The following IFNG-AS1 variants were observed in gnomAD, a reference collection of about 807,000 sequenced individuals.
IFNG-AS1 encodes the protein IFNG regulatory antisense RNA 1.
At chr12:68,018,934 T>A (rs1173261616) in intron 3 of IFNG-AS1, among the ~76,000 whole-genome samples, 1 of 152,112 alleles carries the variant, frequency 6.6e-6, no homozygotes, top group African/African-American at 2.4e-5. Context: ...CCGTGGTTTT[T>A]ACCACGCCTT....
At chr12:68,015,721 AACAAAT>A (rs1341168601) in intron 3 of IFNG-AS1, among the ~76,000 whole-genome samples, 1 of 152,222 alleles carries the variant, frequency 6.6e-6, no homozygotes, top group African/African-American at 2.4e-5. Context: ...GACCAAAGTC[AACAAAT>A]AAAGGGGGAA....
In IFNG-AS1 at chr12:68,009,258, T is replaced by C. The variant is rs368706980; in HGVS notation, n.241+3112T>C. Among the ~76,000 whole-genome samples, 54 of 152,374 alleles carry C rather than the reference T, an allele frequency of 3.5e-4. 1 individual carries two copies. The highest frequency in any genetic ancestry group is 1.3e-3 in the African/African-American group (52 of 41,586). On this transcript the variant is annotated intron_variant and non_coding_transcript_variant, in intron 3 of 5. Coordinates refer to ENST00000536914, the Ensembl canonical transcript of IFNG-AS1. ...TTGTCTAGGAATCAAGGTGTTCTGC[T>C]ATTTGAGATAAGAACTCAGATGCAT...
intron 4 of IFNG-AS1, chr12:68,021,208 C>A (rs188057865): frequency 3.4e-4 from 52 of 152,224 alleles, no homozygotes; most frequent in African/African-American, 1.1e-3. Context: ...AATTTAACTA[C>A]AAGCATTTAA....
chr12:68,012,187 G>T (rs1880047418), intron 3 of IFNG-AS1, among the ~76,000 whole-genome samples: 1 of 151,922 alleles, frequency 6.6e-6, no homozygotes, highest in African/African-American at 2.4e-5. Flanking sequence ...CCTTTTAATT[G>T]GTTTTACTCT....
At position 68,006,736 on chromosome 12, in the gene IFNG-AS1, G is replaced by A. The variant is rs565804885; in HGVS notation, n.241+590G>A. 3.3e-5 allele frequency among the ~76,000 whole-genome samples: 5 copies of A among 152,298 alleles called. No homozygotes were observed. In the East Asian group the frequency reaches 9.6e-4, roughly 29 times the overall value. On this transcript the variant is annotated intron_variant and non_coding_transcript_variant, in intron 3 of 5. Coordinates refer to ENST00000536914, the Ensembl canonical transcript of IFNG-AS1. ...TGAGTCAGAAAGAGATTCTCCTGCT[G>A]GCACTGAAAGAACAGGCTGCCATTG... is the stretch of plus-strand genomic sequence containing the variant.
chr12:67,998,930 A>G (rs901673327), intron 2 of IFNG-AS1, among the ~76,000 whole-genome samples: 3 of 152,186 alleles, frequency 2.0e-5, no homozygotes, highest in Admixed American at 1.3e-4. Flanking sequence ...AACCCAGTTA[A>G]TGTTTATTTT....
intron 3 of IFNG-AS1, among the ~76,000 whole-genome samples, chr12:68,007,616 C>G (rs1339459172): frequency 6.6e-6 from 1 of 152,218 alleles, no homozygotes; most frequent in East Asian, 1.9e-4. Context: ...ATATCAGTCA[C>G]AGTTTCAAAG....
Position 67,995,489 on chromosome 12 carries a change from G to A in IFNG-AS1, n.52-452G>A, listed in dbSNP as rs145541207. ...TGTAATCTTAGAACTTTGGGAGGCC[G>A]AGGCGGGCAGATTACGAGGTCAGGA... is the stretch of plus-strand genomic sequence containing the variant. On this transcript the variant is annotated intron_variant and non_coding_transcript_variant, in intron 1 of 5. Transcript: ENST00000536914. Among the ~76,000 whole-genome samples the A allele has an allele frequency of 8.0e-3, 1,162 of 146,060 alleles. 10 individuals are homozygous for A. The highest frequency in any genetic ancestry group is 0.014 in the Non-Finnish European group (929 of 66,924).
intron 1 of IFNG-AS1, among the ~76,000 whole-genome samples, chr12:67,995,722 CAAAAAAA>C (rs34179056): frequency 3.9e-5 from 3 of 77,348 alleles, no homozygotes; most frequent in South Asian, 8.6e-4. Context: ...ACTCGGTCTC[CAAAAAAA>C]AAAAAAAAGA....
intron 3 of IFNG-AS1, among the ~76,000 whole-genome samples, chr12:68,019,462 C>G (rs536310788): frequency 1.2e-4 from 19 of 152,196 alleles, no homozygotes; most frequent in Non-Finnish European, 2.5e-4. Flanking sequence ...TGCTAATATA[C>G]ACTGTGCTTC....
chr12:68,014,249 G>A (rs1880096612), intron 3 of IFNG-AS1, among the ~76,000 whole-genome samples: 1 of 152,174 alleles, frequency 6.6e-6, no homozygotes. Context: ...TGCTATAAAC[G>A]TGTGTGCAAG....
At position 67,989,758 on chromosome 12, in the gene IFNG-AS1, G is replaced by A. The variant is rs11176997; in HGVS notation, n.51+179G>A. 4.8e-3 allele frequency among the ~76,000 whole-genome samples: 724 copies of A among 152,270 alleles called. 3 individuals carry two copies. Among genetic ancestry groups the A allele is most frequent in the Non-Finnish European group, 6.8e-3 (462 of 68,020 alleles). ...AGAAGGAGGAAGGCTGGGGTGGAGA[G>A]GAGGAAGGAGACCCGCATGGCTGGA... On this transcript the variant is annotated intron_variant and non_coding_transcript_variant, in intron 1 of 5. Transcript: ENST00000536914.
chr12:68,005,345 C>T (rs1184125919), intron 2 of IFNG-AS1, among the ~76,000 whole-genome samples: 1 of 152,188 alleles, frequency 6.6e-6, no homozygotes, highest in Non-Finnish European at 1.5e-5. Context: ...TGTCTGCTGA[C>T]TTAGCCACGA....
chr12:68,009,974 T>C (rs1879989321), intron 3 of IFNG-AS1, among the ~76,000 whole-genome samples: 1 of 152,252 alleles, frequency 6.6e-6, no homozygotes, highest in South Asian at 2.1e-4. Flanking sequence ...TGATAGTTGA[T>C]ATCTCAAGCT....
chr12:67,999,698 T>A (rs1056734908), intron 2 of IFNG-AS1, among the ~76,000 whole-genome samples: 4 of 152,184 alleles, frequency 2.6e-5, no homozygotes, highest in Non-Finnish European at 4.4e-5. Context: ...GAATTATAAT[T>A]AACGAGTGTC....
At chr12:67,996,552 T>TTA (rs1315207761) in intron 2 of IFNG-AS1, among the ~76,000 whole-genome samples, 1 of 152,180 alleles carries the variant, frequency 6.6e-6, no homozygotes, top group African/African-American at 2.4e-5. Flanking sequence ...CTCCATGCTA[T>TTA]TATTCATCTA....
intron 2 of IFNG-AS1, among the ~76,000 whole-genome samples, chr12:67,999,729 A>G (rs570099969): frequency 4.1e-4 from 62 of 152,356 alleles, no homozygotes; most frequent in Non-Finnish European, 7.8e-4. Flanking sequence ...TTAAAGTAAA[A>G]AAAATCACTA....
intron 1 of IFNG-AS1, among the ~76,000 whole-genome samples, chr12:67,993,304 T>C (rs896995562): frequency 6.6e-6 from 1 of 152,242 alleles, no homozygotes; most frequent in African/African-American, 2.4e-5. Context: ...AAGAGCAATC[T>C]GGCATTCATC....
chr12:68,009,324 A>T (rs1361265924), intron 3 of IFNG-AS1, among the ~76,000 whole-genome samples: 1 of 152,070 alleles, frequency 6.6e-6, no homozygotes, highest in Non-Finnish European at 1.5e-5. Context: ...GAATTATTAC[A>T]TTGGAACAGT....
Sources: gnomAD v4.1 joint callset for allele counts (sites outside exome capture counted in the v4.1 genomes callset) on GRCh38, gnomAD v4.1.1 for gene constraint, MANE v1.5 for transcripts, NCBI Gene and HGNC (gene_info 2026-07-23, HGNC 2026-07-21) for gene names.